The following ZNF804A variants were observed in gnomAD, a reference collection of about 807,000 sequenced individuals.
ZNF804A encodes zinc finger protein 804A.
ZNF804A carries 2 observed loss-of-function variants against 16.5 expected under a neutral mutation model. That is an observed-to-expected ratio of 0.12 (90% CI 0.05 to 0.38). The LOEUF (loss-of-function observed/expected upper bound fraction) is 0.38, where lower values mean the gene tolerates loss of function less well. ZNF804A is among the 10% of genes least tolerant of loss of function. ZNF804A has a pLI of 0.99. For synonymous variants in ZNF804A, 534 were observed against 489.6 expected, an observed-to-expected ratio of 1.09 and a Z score of -1.20; for missense variants, 1,473 against 1,390.7, an observed-to-expected ratio of 1.06 and a Z score of -0.94.
chr2:184,622,739 G>A (rs1180913651), intron 1 of ZNF804A, among the ~76,000 whole-genome samples: 1 of 151,904 alleles, frequency 6.6e-6, no homozygotes, highest in African/African-American at 2.4e-5. Flanking sequence ...TAAGATGTGT[G>A]TATGCAAGAG....
chr2:184,804,284 A>C (rs1357358907), intron 1 of ZNF804A, among the ~76,000 whole-genome samples: 1 of 152,152 alleles, frequency 6.6e-6, no homozygotes, highest in East Asian at 1.9e-4. Context: ...TTGCCAAACA[A>C]GGTGACATTC....
intron 1 of ZNF804A, among the ~76,000 whole-genome samples, chr2:184,842,619 T>G (rs1201481858): frequency 1.3e-5 from 2 of 152,060 alleles, no homozygotes; most frequent in Non-Finnish European, 2.9e-5. Flanking sequence ...TTTGACTTTT[T>G]GATCTGTCTT....
Position 184,936,407 on chromosome 2 carries a change from A to G in ZNF804A, c.1011A>G (p.Leu337=). The G allele has an allele frequency of 1.2e-6, 2 of 1,614,026 alleles. No homozygotes were observed. The highest frequency in any genetic ancestry group is 8.5e-7 in the Non-Finnish European group (1 of 1,179,946). The change falls in exon 4 of 4, where the codon CTA becomes CTG. Residue 337 remains leucine, a synonymous_variant. Coordinates refer to ENST00000302277, the MANE Select transcript of ZNF804A (RefSeq NM_194250.2). ...TCCCATTAGCAGATCAAATACCACTAGAGAGTGTTGTTATTAATGAAGACA... is the reference window on the plus strand; with the variant it reads ...TCCCATTAGCAGATCAAATACCACTGGAGAGTGTTGTTATTAATGAAGACA... ...NSVPLADQIP[L]ESVVINEDIP... is the part of the protein sequence containing the mutation.
At chr2:184,741,760 AC>A (rs1693711553) in intron 1 of ZNF804A, among the ~76,000 whole-genome samples, 1 of 152,096 alleles carries the variant, frequency 6.6e-6, no homozygotes, top group Non-Finnish European at 1.5e-5. Context: ...ATTTGATGCT[AC>A]CCATTCTTTT....
chr2:184,911,370 A>G (rs1421870851), intron 2 of ZNF804A, among the ~76,000 whole-genome samples: 1 of 151,970 alleles, frequency 6.6e-6, no homozygotes, highest in East Asian at 1.9e-4. Context: ...TGGTTACTGA[A>G]GCCCTTACAG....
At chr2:184,784,389 A>T (rs945885660) in intron 1 of ZNF804A, among the ~76,000 whole-genome samples, 1 of 152,012 alleles carries the variant, frequency 6.6e-6, no homozygotes, top group African/African-American at 2.4e-5. Context: ...ATATTACTAT[A>T]TTAATAATGT....
At position 184,937,531 on chromosome 2, in the gene ZNF804A, G is replaced by T; in HGVS notation, c.2135G>T (p.Gly712Val). 1 of 1,612,430 alleles carries T rather than the reference G, an allele frequency of 6.2e-7. No homozygotes were observed. The highest frequency in any genetic ancestry group is 1.1e-5 in the South Asian group (1 of 90,906). The change falls in exon 4 of 4, where the codon GGG becomes GTG. Residue 712 changes from glycine (G) to valine (V), a missense_variant. Transcript: ENST00000302277. The part of the protein sequence containing the change: ...GQSNATMIHS[G>V]KHNLTYSRTY... ...TCAAATGCAACAATGATACATTCTG[G>T]GAAACATAATTTAACATATTCTAGA...
At chr2:184,627,943 T>C (rs1691531782) in intron 1 of ZNF804A, among the ~76,000 whole-genome samples, 1 of 152,200 alleles carries the variant, frequency 6.6e-6, no homozygotes, top group African/African-American at 2.4e-5. Context: ...TCAATATTTA[T>C]TCAACATGGA....
Position 184,772,825 on chromosome 2 carries a change from T to C in ZNF804A, c.112-93544T>C, listed in dbSNP as rs958979158. 2.3e-4 allele frequency among the ~76,000 whole-genome samples: 35 copies of C among 151,464 alleles called. 2 individuals are homozygous for C. The highest frequency in any genetic ancestry group is 8.0e-4 in the African/African-American group (33 of 41,350). On this transcript the variant is annotated intron_variant, in intron 1 of 3. Coordinates refer to ENST00000302277, the MANE Select transcript of ZNF804A (RefSeq NM_194250.2). ...TTGTTATTATCTGTCTTTTTTGTAA[T>C]AGACATCCTAGTGGATGTGACATGG...
At chr2:184,662,413 T>G (rs928525421) in intron 1 of ZNF804A, among the ~76,000 whole-genome samples, 1 of 152,184 alleles carries the variant, frequency 6.6e-6, no homozygotes, top group Non-Finnish European at 1.5e-5. Flanking sequence ...CCTCTTTGTG[T>G]GACTACCCAA....
chr2:184,636,611 A>G (rs1691703977), intron 1 of ZNF804A, among the ~76,000 whole-genome samples: 1 of 150,950 alleles, frequency 6.6e-6, no homozygotes, highest in Non-Finnish European at 1.5e-5. Flanking sequence ...GTGTTCCCCC[A>G]GTCATAATGA....
Position 184,938,616 on chromosome 2 carries a change from C to T in ZNF804A, c.3220C>T (p.Leu1074Phe), listed in dbSNP as rs748653997. The T allele has an allele frequency of 9.9e-6, 16 of 1,613,886 alleles. No homozygotes were observed. The highest frequency in any genetic ancestry group is 1.0e-5 in the Non-Finnish European group (12 of 1,179,984). The change falls in exon 4 of 4, where the codon CTC (leucine) becomes TTC (phenylalanine). Residue 1074 changes from leucine (L) to phenylalanine (F), a missense_variant. Transcript: ENST00000302277. Reference protein sequence around the residue: ...KVKFTFPPAALPPPSTPLQPL... With the variant: ...KVKFTFPPAAFPPPSTPLQPL... ...TAAATTTACCTTTCCTCCAGCTGCC[C>T]TCCCACCCCCTAGCACACCTCTGCA...
intron 1 of ZNF804A, among the ~76,000 whole-genome samples, chr2:184,855,600 A>C (rs1695673888): frequency 9.4e-6 from 1 of 106,868 alleles, no homozygotes; most frequent in South Asian, 2.7e-4. Context: ...GTACACATAC[A>C]CATATATATA....
At chr2:184,779,470 A>C (rs1437843459) in intron 1 of ZNF804A, among the ~76,000 whole-genome samples, 4 of 151,754 alleles carry the variant, frequency 2.6e-5, no homozygotes, top group African/African-American at 9.7e-5. Flanking sequence ...GTTAGGTTAC[A>C]TGGGAAAGGG....
chr2:184,834,719 G>A (rs1695317593), intron 1 of ZNF804A, among the ~76,000 whole-genome samples: 1 of 152,088 alleles, frequency 6.6e-6, no homozygotes. Flanking sequence ...TCTGAAGCCT[G>A]AGGTGAAACT....
chr2:184,688,157 C>T (rs1692668547), intron 1 of ZNF804A, among the ~76,000 whole-genome samples: 1 of 151,882 alleles, frequency 6.6e-6, no homozygotes, highest in African/African-American at 2.4e-5. Flanking sequence ...ATTTTATAAA[C>T]ATATAATAAA....
intron 1 of ZNF804A, among the ~76,000 whole-genome samples, chr2:184,827,233 A>G (rs1306774324): frequency 6.6e-6 from 1 of 151,442 alleles, no homozygotes; most frequent in East Asian, 1.9e-4. Context: ...TGAGATATAT[A>G]TGACTATAAT....
chr2:184,790,628 G>A (rs1456228743), intron 1 of ZNF804A, among the ~76,000 whole-genome samples: 1 of 151,810 alleles, frequency 6.6e-6, no homozygotes, highest in Non-Finnish European at 1.5e-5. Flanking sequence ...TTTTGAGATG[G>A]AGTCTTGCTC....
chr2:184,936,791 G>T lies in ZNF804A; in HGVS notation c.1395G>T (p.Lys465Asn). 6.2e-7 allele frequency: 1 copy of T among 1,613,576 alleles called. No individual in the cohort carries two copies. ...GTAATCCTCTATGTTTTGACTTCAA[G>T]TCTACTAAAGTAAATAATAATCTAG... ...YSCNPLCFDFKSTKVNNNLDK... is the reference protein window; with the variant it reads ...YSCNPLCFDFNSTKVNNNLDK... The change falls in exon 4 of 4, where the codon AAG (lysine) becomes AAT (asparagine). Residue 465 changes from lysine (K) to asparagine (N), a missense_variant. By Grantham distance (94) the Lys-to-Asn change is moderately conservative. Coordinates refer to ENST00000302277, the MANE Select transcript of ZNF804A (RefSeq NM_194250.2).
Sources: allele counts gnomAD v4.1 joint callset (sites outside exome capture counted in the v4.1 genomes callset), GRCh38; gene constraint gnomAD v4.1.1; transcripts MANE v1.5; gene names NCBI Gene and HGNC (gene_info 2026-07-23, HGNC 2026-07-21).